F5: variants seen among roughly 807,000 people sequenced by gnomAD.
F5 encodes activated protein c cofactor.
Under a neutral mutation model 216.4 loss-of-function variants are expected in F5, and 138 were observed. The observed-to-expected ratio is 0.64, with a 90% CI of 0.56 to 0.73. The LOEUF is 0.73. F5 is among the 30% of genes least tolerant of loss of function. The probability of loss-of-function intolerance (pLI) is 0.00; values close to 1 mark genes in which losing one functional copy is unlikely to be tolerated. For missense variants in F5, 2,403 were observed against 2,674.0 expected (o/e 0.90, Z 2.24); for synonymous variants, 916 against 930.7 (o/e 0.98, Z 0.29).
chr1:169,578,520 G>A lies in F5; in HGVS notation c.250+3911C>T, dbSNP rs553496818. Reference sequence around the variant, plus strand: ...AGCACAATGTCTCACACAGCAAAGGGATTAAAATTTGCTTAGCTTGGCAAA... The same window carrying A: ...AGCACAATGTCTCACACAGCAAAGGAATTAAAATTTGCTTAGCTTGGCAAA... On this transcript the variant is annotated intron_variant, in intron 2 of 24. Transcript: ENST00000367797. Among the ~76,000 whole-genome samples the A allele has an allele frequency of 2.0e-5, 3 of 152,266 alleles. No homozygotes were observed. In the South Asian group the frequency reaches 6.2e-4, roughly 32 times the overall value.
At chr1:169,548,332 A>G (rs1557919411) in intron 10 of F5, among the ~76,000 whole-genome samples, 1 of 152,110 alleles carries the variant, frequency 6.6e-6, no homozygotes, top group Non-Finnish European at 1.5e-5. Flanking sequence ...CATCCTGCAC[A>G]TAAGTACCCC....
chr1:169,560,447 C>T (rs993478782), intron 4 of F5, 107 bp downstream of exon 4: 48 of 1,043,464 alleles, frequency 4.6e-5, no homozygotes, highest in Middle Eastern at 2.1e-4. Context: ...TCTTCCTCTG[C>T]TTGATGTACA....
In F5 at chr1:169,550,725, A is replaced by G. The variant is rs747921283; in HGVS notation, c.1311T>C (p.Asn437=). 3 of 1,613,184 alleles carry G rather than the reference A, an allele frequency of 1.9e-6. No homozygotes were observed. Among genetic ancestry groups the G allele is most frequent in the Non-Finnish European group, 2.5e-6 (3 of 1,179,124 alleles). The stretch of plus-strand genomic sequence containing the variant: ...AAATGCTATAGGGGCGGCTGGCCAT[A>G]TTTTTGAACACGATCTACAAAGTTA... ...VRDTLKIVFK[N]MASRPYSIYP... is the part of the protein sequence containing the mutation. Residue 437 remains asparagine (N), a synonymous_variant, in exon 9 of 25, where the codon AAT becomes AAC. Coordinates refer to ENST00000367797, the MANE Select transcript of F5 (RefSeq NM_000130.5).
In F5 at chr1:169,556,769, C is replaced by A; in HGVS notation, c.829G>T (p.Glu277Ter). 6.2e-7 allele frequency: 1 copy of A among 1,614,064 alleles called. No individual in the cohort carries two copies. The highest frequency in any genetic ancestry group is 8.5e-7 in the Non-Finnish European group (1 of 1,179,994). Residue 277 changes from glutamate to a stop codon, truncating the protein, a stop_gained, in exon 6 of 25, where the codon GAG becomes TAG. Transcript: ENST00000367797. LOFTEE classifies it high-confidence loss of function. ...GCTGAGACCTTATGATGGTTCTGCTCCAGGACCTGGCCGTTGAAATGAATG... is the reference window on the plus strand; with the variant it reads ...GCTGAGACCTTATGATGGTTCTGCTACAGGACCTGGCCGTTGAAATGAATG... ...FSIHFNGQVL[E>*]QNHHKVSAIT...
At chr1:169,559,441 A>G (rs1159722932) in intron 4 of F5, 145 bp from the exon 5 acceptor site, 1 of 846,532 alleles carries the variant, frequency 1.2e-6, no homozygotes, top group Non-Finnish European at 1.9e-6. Flanking sequence ...TAGCATATTT[A>G]TCAAGTAATA....
chr1:169,565,066 C>T (rs1466035517), intron 3 of F5, among the ~76,000 whole-genome samples: 1 of 152,030 alleles, frequency 6.6e-6, no homozygotes, highest in Non-Finnish European at 1.5e-5. Flanking sequence ...CCCAGACATC[C>T]AAGTTCTGTC....
chr1:169,556,865 T>C lies in F5; in HGVS notation c.733A>G (p.Ile245Val), dbSNP rs1410413974. 1.2e-6 allele frequency: 2 copies of C among 1,613,560 alleles called. No homozygotes were observed. Among genetic ancestry groups the C allele is most frequent in the Non-Finnish European group, 1.7e-6 (2 of 1,179,884 alleles). ...NGYVNGTMPDITVCAHDHISW... is the reference protein window; with the variant it reads ...NGYVNGTMPDVTVCAHDHISW... Reference sequence around the variant, plus strand: ...ATGTGGTCATGGGCACAAACTGTTATATCTGAGAAAGAGGGAGAGACACAG... The same window carrying C: ...ATGTGGTCATGGGCACAAACTGTTACATCTGAGAAAGAGGGAGAGACACAG... Residue 245 changes from isoleucine to valine, a missense_variant and splice_region_variant, in exon 6 of 25, where the codon ATA (isoleucine) becomes GTA (valine). Ile to Val is a conservative substitution (Grantham distance 29). Coordinates refer to ENST00000367797, the MANE Select transcript of F5 (RefSeq NM_000130.5).
chr1:169,567,166 G>A (rs1331135785), intron 3 of F5, among the ~76,000 whole-genome samples: 1 of 151,790 alleles, frequency 6.6e-6, no homozygotes, highest in Non-Finnish European at 1.5e-5. Context: ...GAAAGAGGGT[G>A]AGTGAGAGGG....
At chr1:169,568,554 A>C (rs1280178948) in intron 3 of F5, among the ~76,000 whole-genome samples, 1 of 152,162 alleles carries the variant, frequency 6.6e-6, no homozygotes, top group African/African-American at 2.4e-5. Context: ...AAAAAAATTA[A>C]GCTCTAAACT....
intron 3 of F5, among the ~76,000 whole-genome samples, chr1:169,566,608 A>T (rs1306555389): frequency 7.2e-6 from 1 of 138,538 alleles, no homozygotes; most frequent in East Asian, 2.1e-4. Flanking sequence ...TCAGGGTCAG[A>T]GTTGAAAATA....
chr1:169,567,318 G>T (rs1031999442), intron 3 of F5, among the ~76,000 whole-genome samples: 4 of 151,788 alleles, frequency 2.6e-5, no homozygotes, highest in Non-Finnish European at 5.9e-5. Context: ...CACCAGCATG[G>T]CACATGTATA....
chr1:169,546,708 G>A (rs1388013577), intron 10 of F5, 116 bp from the exon 11 acceptor site: 3 of 896,434 alleles, frequency 3.3e-6, no homozygotes, highest in East Asian at 5.0e-5. Context: ...TGTGACAAAA[G>A]CAAGCAATAG....
At position 169,542,276 on chromosome 1, in the gene F5, G is replaced by A. The variant is rs1571575065; in HGVS notation, c.2814C>T (p.Asn938=). The A allele has an allele frequency of 1.1e-5, 18 of 1,614,076 alleles. No individual in the cohort carries two copies. The highest frequency in any genetic ancestry group is 1.5e-5 in the Non-Finnish European group (18 of 1,179,992). ...PSDLLLLKQS[N]SSKILVGRWH... is the part of the protein sequence containing the mutation. ...ATCTCCCAACCAAAATCTTAGATGA[G>A]TTACTTTGTTTTAAGAGTAACAGAT... Residue 938 remains asparagine, a synonymous_variant, in exon 13 of 25, where the codon AAC becomes AAT. Transcript: ENST00000367797.
chr1:169,546,664 A>C, intron 10 of F5, 72 bp from the exon 11 acceptor site: 1 of 1,385,008 alleles, frequency 7.2e-7, no homozygotes, highest in Non-Finnish European at 1.0e-6. Flanking sequence ...TAGAGAACTC[A>C]GAAATAAGGC....
At chr1:169,518,931 C>G (rs1659223110) in intron 22 of F5, among the ~76,000 whole-genome samples, 1 of 152,150 alleles carries the variant, frequency 6.6e-6, no homozygotes, top group Admixed American at 6.6e-5. Context: ...TTTCAGGTGA[C>G]AATAATCCTA....
Position 169,547,900 on chromosome 1 carries a change from T to C in F5, c.1612-1308A>G, listed in dbSNP as rs1254887680. ...AAAGACACATGCATGCGTATGTTCA[T>C]TTTCGCACTCTTCACAATAGCAAAG... is the stretch of plus-strand genomic sequence containing the variant. On this transcript the variant is annotated intron_variant, in intron 10 of 24. Coordinates refer to ENST00000367797, the MANE Select transcript of F5 (RefSeq NM_000130.5). 1.3e-5 allele frequency among the ~76,000 whole-genome samples: 2 copies of C among 152,172 alleles called. 1 individual carries two copies. Among genetic ancestry groups the C allele is most frequent in the Non-Finnish European group, 2.9e-5 (2 of 68,030 alleles).
In F5 at chr1:169,520,505, A is replaced by G. The variant is rs182046835; in HGVS notation, c.6193+15T>C. 33 of 1,613,894 alleles carry G rather than the reference A, an allele frequency of 2.0e-5. No individual in the cohort carries two copies. In the Middle Eastern group the frequency reaches 5.0e-4, roughly 24 times the overall value. The stretch of plus-strand genomic sequence containing the variant: ...TTGAGTGGCAGTGAGAAAATAATGC[A>G]TCTTTGTACCTTACCATTTACCTCA... On this transcript the variant is annotated intron_variant, in intron 22 of 24. Transcript: ENST00000367797.
chr1:169,548,741 C>A (rs906456305), intron 10 of F5, among the ~76,000 whole-genome samples: 3 of 151,726 alleles, frequency 2.0e-5, no homozygotes, highest in Non-Finnish European at 4.4e-5. Flanking sequence ...TGGTGGCGGG[C>A]GCCTGTAATC....
chr1:169,527,842 A>G (rs1659495502), intron 17 of F5, 73 bp downstream of exon 17: 1 of 1,568,260 alleles, frequency 6.4e-7, no homozygotes, highest in Admixed American at 1.8e-5. Flanking sequence ...CAAGGAAGAA[A>G]TGAGAAGGAG....
Sources: allele counts gnomAD v4.1 joint callset (sites outside exome capture counted in the v4.1 genomes callset), GRCh38; gene constraint gnomAD v4.1.1; transcripts MANE v1.5; gene names NCBI Gene and HGNC (gene_info 2026-07-23, HGNC 2026-07-21).